RGS3: variants seen among roughly 807,000 people sequenced by gnomAD.
RGS3 encodes regulator of G protein signaling 3.
Under a neutral mutation model 132.6 loss-of-function variants are expected in RGS3, and 80 were observed. The ratio of observed to expected loss-of-function variants is 0.60; its 90% CI spans 0.50 to 0.73. The LOEUF (loss-of-function observed/expected upper bound fraction) is 0.73, where lower values mean the gene tolerates loss of function less well. Among genes scored for constraint, RGS3 ranks in the 30% least tolerant of loss-of-function variants. RGS3 has a pLI of 0.00. For missense variants in RGS3, 1,382 were observed against 1,530.8 expected (o/e 0.90, Z 1.62); for synonymous variants, 598 against 620.6 (o/e 0.96, Z 0.54).
intron 24 of RGS3, 123 bp from the exon 23 acceptor site, chr9:113,596,645 A>C (rs1835793580): frequency 1.3e-6 from 1 of 757,628 alleles, no homozygotes; most frequent in Non-Finnish European, 2.1e-6. Flanking sequence ...CTTCAGATGA[A>C]CCTTAAGATG....
rs1007315519 is a variant in RGS3, at chr9:113,506,067, A to G, written c.980-321A>G. The stretch of plus-strand genomic sequence containing the variant: ...AAATGTAGTGTGGGAGCCTGGCCCC[A>G]GGGAAGGTTCTCAATGGGGTAGGAG... On this transcript the variant is annotated intron_variant, in intron 11 of 24. Transcript: ENST00000350696. This position sits in a 1 kb window ranked among gnomAD's most constrained non-coding sequence, Gnocchi z 4.7. 6.6e-6 allele frequency among the ~76,000 whole-genome samples: 1 copy of G among 152,078 alleles called. No individual in the cohort carries two copies. The highest frequency in any genetic ancestry group is 2.4e-5 in the African/African-American group (1 of 41,424).
intron 16 of RGS3, among the ~76,000 whole-genome samples, chr9:113,519,005 T>C (rs1431515809): frequency 6.6e-6 from 1 of 152,172 alleles, no homozygotes; most frequent in African/African-American, 2.4e-5. Context: ...CACTCTTCTG[T>C]TTGTCCACTT....
In RGS3 at chr9:113,463,684, CG is replaced by C. The variant is rs1352113233; in HGVS notation, c.415+1484del. 6 of 1,405,618 alleles carry C rather than the reference CG, an allele frequency of 4.3e-6. No individual in the cohort carries two copies. Among genetic ancestry groups the C allele is most frequent in the Non-Finnish European group, 5.5e-6 (6 of 1,082,802 alleles). 87.1% of individuals were successfully genotyped at this position (1,405,618 alleles called of 1,614,324 possible). A position where few individuals can be genotyped will look rare whatever the true frequency, so the allele number is the denominator to read the frequency against. ...GCCGGGCGCGCCCTGGCCGTTCCAA[CG>C]CTTGGGGCAGCCCTACCTCCCGCTC... On this transcript the variant is annotated intron_variant, in intron 3 of 24. Coordinates refer to ENST00000350696, the Ensembl canonical transcript of RGS3. This position sits in a 1 kb window ranked among gnomAD's most constrained non-coding sequence, Gnocchi z 4.6.
At chr9:113,528,303 C>T (rs541854419) in intron 17 of RGS3, among the ~76,000 whole-genome samples, 28 of 152,314 alleles carry the variant, frequency 1.8e-4, no homozygotes, top group Non-Finnish European at 3.1e-4. Context: ...GTGACCTAAG[C>T]GGGAGTGCTG....
chr9:113,490,641 T>C (rs1214326659), intron 7 of RGS3, among the ~76,000 whole-genome samples: 2 of 146,134 alleles, frequency 1.4e-5, no homozygotes, highest in African/African-American at 5.0e-5. Context: ...AAAGATTATG[T>C]TCAATATATA....
rs973691369 is a variant in RGS3 at position 113,533,268 on chromosome 9, T to A, written c.1915-3528T>A. Among the ~76,000 whole-genome samples, 135 of 151,228 alleles carry A rather than the reference T, an allele frequency of 8.9e-4. 11 individuals carry two copies. Among genetic ancestry groups the A allele is most frequent in the Non-Finnish European group, 1.0e-4 (7 of 67,856 alleles). ...TTTTTTGAGACAGAGTCTCACTCTG[T>A]TACGCAGGCTGAAGTGCAATGGTGC... On this transcript the variant is annotated intron_variant, in intron 18 of 24. Coordinates refer to ENST00000350696, the Ensembl canonical transcript of RGS3.
At chr9:113,470,644 A>G (rs1193196041) in intron 3 of RGS3, among the ~76,000 whole-genome samples, 1 of 152,152 alleles carries the variant, frequency 6.6e-6, no homozygotes, top group Non-Finnish European at 1.5e-5. Flanking sequence ...TCTACATTGT[A>G]GGTGTGCTGT....
At chr9:113,588,737 C>T (rs1022542723) in intron 20 of RGS3, among the ~76,000 whole-genome samples, 3 of 152,218 alleles carry the variant, frequency 2.0e-5, no homozygotes, top group African/African-American at 7.2e-5. Flanking sequence ...TTGCTCACTG[C>T]TGTGTGTTGG....
intron 1 of RGS3, among the ~76,000 whole-genome samples, chr9:113,449,167 G>A (rs1389313914): frequency 1.3e-5 from 2 of 152,166 alleles, no homozygotes; most frequent in African/African-American, 4.8e-5. Flanking sequence ...ATTGGAGAGA[G>A]AACAGCAAGA....
Position 113,483,118 on chromosome 9 carries a change from G to T in RGS3, c.525+1G>T. 1 of 1,602,972 alleles carries T rather than the reference G, an allele frequency of 6.2e-7. No homozygotes were observed. Among genetic ancestry groups the T allele is most frequent in the Non-Finnish European group, 8.5e-7 (1 of 1,170,156 alleles). On this transcript the variant is annotated splice_donor_variant, in intron 5 of 24. Coordinates refer to ENST00000350696, the Ensembl canonical transcript of RGS3. LOFTEE classifies it high-confidence loss of function. Reference sequence around the variant, plus strand: ...TGGCACCTGTGATCCGTATGTGAAGGTATGTGGTGGGGCCGGAGATGGAGA... The same window carrying T: ...TGGCACCTGTGATCCGTATGTGAAGTTATGTGGTGGGGCCGGAGATGGAGA...
intron 19 of RGS3, among the ~76,000 whole-genome samples, chr9:113,552,691 A>G (rs183090135): frequency 6.6e-6 from 1 of 152,248 alleles, no homozygotes; most frequent in Admixed American, 6.5e-5. Flanking sequence ...TTTTATTGTA[A>G]TTATATTTCA....
At position 113,565,905 on chromosome 9, in the gene RGS3, G is replaced by GTT. The variant is rs1833982759; in HGVS notation, c.2038-17544_2038-17543insTT. Among the ~76,000 whole-genome samples, 1 of 148,738 alleles carries GTT rather than the reference G, an allele frequency of 6.7e-6. No homozygotes were observed. Among genetic ancestry groups the GTT allele is most frequent in the African/African-American group, 2.5e-5 (1 of 40,766 alleles). On this transcript the variant is annotated intron_variant, in intron 19 of 24. Coordinates refer to ENST00000350696, the Ensembl canonical transcript of RGS3. This position sits in a 1 kb window ranked among gnomAD's most constrained non-coding sequence, Gnocchi z 5.7. ...TGTGTGTGTGTGTGTGTGTGTGTGT[G>GTT]TGTGTGTGTGTCTGTCTGTCTGTCT...
chr9:113,516,727 C>T (rs145329298), intron 15 of RGS3, among the ~76,000 whole-genome samples: 26 of 152,164 alleles, frequency 1.7e-4, no homozygotes, highest in South Asian at 4.1e-4. Flanking sequence ...GACAGTCTCT[C>T]GCTGTGTCCC....
chr9:113,461,707 G>T, exon 2 of RGS3: 2 of 1,612,932 alleles, frequency 1.2e-6, no homozygotes, highest in Non-Finnish European at 1.7e-6. Context: ...TCTCTCCTAG[G>T]TCACATTCAG....
rs1313481068 is a variant in RGS3, at chr9:113,565,324, A to G, written c.2038-18126A>G. ...TCTGTTTAATGGAAGAAAGAAATCCAGCCTCTCTCCAGAGTGGCGGTGGCC... is the reference window on the plus strand; with the variant it reads ...TCTGTTTAATGGAAGAAAGAAATCCGGCCTCTCTCCAGAGTGGCGGTGGCC... On this transcript the variant is annotated intron_variant, in intron 19 of 24. Coordinates refer to ENST00000350696, the Ensembl canonical transcript of RGS3. This position sits in a 1 kb window ranked among gnomAD's most constrained non-coding sequence, Gnocchi z 5.7. 1.6e-6 allele frequency: 2 copies of G among 1,289,758 alleles called. No individual in the cohort carries two copies. The highest frequency in any genetic ancestry group is 2.5e-5 in the South Asian group (2 of 81,066). The allele number at this position is 1,289,758 out of a possible 1,614,324, so 79.9% of individuals were successfully genotyped here.
At chr9:113,558,593 C>T (rs541448583) in intron 19 of RGS3, among the ~76,000 whole-genome samples, 6 of 152,024 alleles carry the variant, frequency 3.9e-5, no homozygotes, top group Non-Finnish European at 2.9e-5. Context: ...GTGGCAGGAT[C>T]GAGTCCCACT....
intron 19 of RGS3, among the ~76,000 whole-genome samples, chr9:113,564,726 G>T: frequency 6.6e-6 from 1 of 152,332 alleles, no homozygotes; most frequent in East Asian, 1.9e-4. Context: ...GAAGCCCCAG[G>T]TTCTCTTTCC....
intron 10 of RGS3, among the ~76,000 whole-genome samples, chr9:113,500,580 G>C (rs1830842121): frequency 6.6e-6 from 1 of 152,060 alleles, no homozygotes; most frequent in African/African-American, 2.4e-5. Flanking sequence ...AGGACGCTGG[G>C]TTGTCTGATG....
At chr9:113,487,166 C>T (rs1256686619) in intron 7 of RGS3, among the ~76,000 whole-genome samples, 1 of 145,958 alleles carries the variant, frequency 6.9e-6, no homozygotes, top group Non-Finnish European at 1.5e-5. Flanking sequence ...CTGCGGACTG[C>T]AGTGGCGCAA....
Sources: gnomAD v4.1 joint callset for allele counts (sites outside exome capture counted in the v4.1 genomes callset) on GRCh38, gnomAD v4.1.1 for gene constraint, Gnocchi (gnomAD v3.1) non-coding constraint, MANE v1.5 for transcripts, NCBI Gene and HGNC (gene_info 2026-07-23, HGNC 2026-07-21) for gene names.